ARHGEF10: variants seen among roughly 807,000 people sequenced by gnomAD.
The protein encoded by ARHGEF10 is Rho guanine nucleotide exchange factor 10.
A neutral mutation model predicts 147.4 loss-of-function variants in ARHGEF10; 140 were observed. The ratio of observed to expected loss-of-function variants is 0.95; its 90% CI spans 0.83 to 1.09. The LOEUF (loss-of-function observed/expected upper bound fraction) is 1.09, where lower values mean the gene tolerates loss of function less well. Among genes scored for constraint, ARHGEF10 ranks in the 50% least tolerant of loss-of-function variants. The pLI is 0.00. For missense variants in ARHGEF10, 2,222 were observed against 1,752.7 expected, an observed-to-expected ratio of 1.27 and a Z score of -4.78; for synonymous variants, 902 against 695.8, an observed-to-expected ratio of 1.30 and a Z score of -4.67.
intron 9 of ARHGEF10, among the ~76,000 whole-genome samples, chr8:1,881,174 TG>T (rs992531117): frequency 1.3e-5 from 2 of 152,094 alleles, no homozygotes; most frequent in Non-Finnish European, 2.9e-5. Flanking sequence ...CAGCCAGGGC[TG>T]GGCCCAGCAC....
intron 7 of ARHGEF10, among the ~76,000 whole-genome samples, chr8:1,874,571 C>T (rs898599471): frequency 1.3e-5 from 2 of 152,210 alleles, no homozygotes; most frequent in Admixed American, 1.3e-4. Flanking sequence ...TTCCTTATAA[C>T]CTCTGGAGGG....
chr8:1,891,709 G>T (rs949773854), intron 11 of ARHGEF10, among the ~76,000 whole-genome samples: 1 of 152,050 alleles, frequency 6.6e-6, no homozygotes, highest in Admixed American at 6.5e-5. Flanking sequence ...TTTAGGTCAG[G>T]CTTCTCAGGA....
At chr8:1,889,376 TGTGAGGAGACAGTGATGTGAGGCATCTG>T (rs1563237858) in intron 11 of ARHGEF10, among the ~76,000 whole-genome samples, 16 of 98,142 alleles carry the variant, frequency 1.6e-4, no homozygotes, top group South Asian at 5.1e-4. Flanking sequence ...GTGAGGGGTA[TGTGAGGAGACAGTGATGTGAGGCATCTG>T]TGAGGAGACA....
Position 1,862,919 on chromosome 8 carries a change from C to T in ARHGEF10, c.482-1454C>T, listed in dbSNP as rs1344039157. The stretch of plus-strand genomic sequence containing the variant: ...TCAGCCTCCCAAGTAGCTGGGACTA[C>T]AGGCGCCCGCCACCACGCCCGGCTA... On this transcript the variant is annotated intron_variant, in intron 4 of 28. Coordinates refer to ENST00000349830, the MANE Select transcript of ARHGEF10 (RefSeq NM_014629.4). Among the ~76,000 whole-genome samples the T allele has an allele frequency of 2.6e-5, 4 of 151,736 alleles. No individual in the cohort carries two copies. The East Asian group carries it at 7.7e-4, about 29-fold the overall frequency.
intron 1 of ARHGEF10, among the ~76,000 whole-genome samples, chr8:1,824,424 G>A (rs895487088): frequency 6.6e-6 from 1 of 152,008 alleles, no homozygotes; most frequent in Admixed American, 6.5e-5. Flanking sequence ...CCCGAGGGGC[G>A]AGCTGGCTTC....
intron 17 of ARHGEF10, among the ~76,000 whole-genome samples, chr8:1,908,665 C>G (rs1044050121): frequency 2.6e-5 from 4 of 152,192 alleles, no homozygotes; most frequent in Non-Finnish European, 5.9e-5. Flanking sequence ...CAGCCTTGGC[C>G]TTGGAGTCCG....
intron 15 of ARHGEF10, among the ~76,000 whole-genome samples, chr8:1,902,408 T>G (rs973835544): frequency 2.6e-5 from 4 of 152,246 alleles, no homozygotes; most frequent in African/African-American, 9.6e-5. Flanking sequence ...CATTTTTTGC[T>G]GGCTGTTGTT....
At chr8:1,869,976 A>C (rs1183365837) in intron 7 of ARHGEF10, 1 of 155,646 alleles carries the variant, frequency 6.4e-6, no homozygotes, top group Non-Finnish European at 1.4e-5. Flanking sequence ...ATAGTTAATG[A>C]TGCACTCGCT....
chr8:1,838,665 C>T (rs527676970), intron 1 of ARHGEF10, among the ~76,000 whole-genome samples: 12 of 152,400 alleles, frequency 7.9e-5, no homozygotes, highest in African/African-American at 2.9e-4. Context: ...CCAGTGTGGT[C>T]CTCTCTGTCC....
rs758971152 is a variant in ARHGEF10, at chr8:1,923,621, C to A, written c.2387+26C>A. ...GTTAGTAGTAGCTTTAAAACGAAAC[C>A]TTCTTGGCCAATGCTGGGGAGAAAA... On this transcript the variant is annotated intron_variant, in intron 20 of 28. Transcript: ENST00000349830. 4 of 1,614,026 alleles carry A rather than the reference C, an allele frequency of 2.5e-6. No individual in the cohort carries two copies. In the African/African-American group the frequency reaches 5.3e-5, roughly 22 times the overall value.
intron 28 of ARHGEF10, among the ~76,000 whole-genome samples, chr8:1,955,669 G>T (rs1815505726): frequency 6.6e-6 from 1 of 152,156 alleles, no homozygotes; most frequent in African/African-American, 2.4e-5. Flanking sequence ...TTCTCTGGAT[G>T]GGTAGCTAGG....
chr8:1,920,441 G>T (rs112682494), intron 18 of ARHGEF10, among the ~76,000 whole-genome samples: 2 of 151,598 alleles, frequency 1.3e-5, no homozygotes, highest in Non-Finnish European at 1.5e-5. Flanking sequence ...TCCTACTTCA[G>T]CCTCCCAAGT....
At chr8:1,906,559 A>G (rs1024470135) in intron 17 of ARHGEF10, among the ~76,000 whole-genome samples, 1 of 152,142 alleles carries the variant, frequency 6.6e-6, no homozygotes, top group Non-Finnish European at 1.5e-5. Context: ...GGCCAGATAT[A>G]TCTGCCTGCC....
At chr8:1,931,356 G>A (rs995949503) in intron 25 of ARHGEF10, among the ~76,000 whole-genome samples, 14 of 152,298 alleles carry the variant, frequency 9.2e-5, no homozygotes, top group African/African-American at 1.7e-4. Context: ...TTATGCTTAT[G>A]TCCCCCTTTT....
At position 1,952,081 on chromosome 8, in the gene ARHGEF10, A is replaced by G. The variant is rs554589430; in HGVS notation, c.3398-624A>G. On this transcript the variant is annotated intron_variant, in intron 27 of 28. Coordinates refer to ENST00000349830, the MANE Select transcript of ARHGEF10 (RefSeq NM_014629.4). ...AGATCCTTGGCTGTAAAGCAAATCA[A>G]AACCAAACTAACAAAGAGCCTCAAA... 3.3e-5 allele frequency among the ~76,000 whole-genome samples: 5 copies of G among 152,348 alleles called. No homozygotes were observed. The East Asian group carries it at 7.7e-4, about 24-fold the overall frequency.
chr8:1,891,531 A>C (rs565079446), intron 11 of ARHGEF10, among the ~76,000 whole-genome samples: 13 of 152,238 alleles, frequency 8.5e-5, no homozygotes, highest in African/African-American at 3.1e-4. Flanking sequence ...GGACATGAGG[A>C]AGGTCAGGCT....
intron 27 of ARHGEF10, among the ~76,000 whole-genome samples, chr8:1,946,880 G>A (rs1256534475): frequency 2.6e-5 from 4 of 152,178 alleles, no homozygotes; most frequent in African/African-American, 4.8e-5. Context: ...GAATATATTC[G>A]GTGCACGGTG....
intron 15 of ARHGEF10, among the ~76,000 whole-genome samples, chr8:1,899,491 T>C (rs1202871288): frequency 1.3e-5 from 2 of 152,190 alleles, no homozygotes; most frequent in South Asian, 2.1e-4. Context: ...TCCCCTTCCA[T>C]TGAGGTTATT....
chr8:1,860,264 C>A, intron 4 of ARHGEF10, 80 bp downstream of exon 4: 1 of 1,478,094 alleles, frequency 6.8e-7, no homozygotes, highest in Non-Finnish European at 9.2e-7. Flanking sequence ...GCCTGTGGTT[C>A]CCTCCTCTGC....
Sources: gnomAD v4.1 joint callset for allele counts (sites outside exome capture counted in the v4.1 genomes callset) on GRCh38, gnomAD v4.1.1 for gene constraint, MANE v1.5 for transcripts, NCBI Gene and HGNC (gene_info 2026-07-23, HGNC 2026-07-21) for gene names.